Variants in GHR observed in about 807,000 individuals in gnomAD.
GHR encodes growth hormone receptor, also known as GH receptor.
A neutral mutation model predicts 67.1 loss-of-function variants in GHR; 35 were observed. The ratio of observed to expected loss-of-function variants is 0.52; its 90% CI spans 0.40 to 0.69. GHR has a LOEUF of 0.69. Ranked by LOEUF, GHR falls within the 30% of genes least tolerant of loss-of-function variation. The pLI is 0.00. For synonymous variants in GHR, 272 were observed against 269.1 expected, an observed-to-expected ratio of 1.01 and a Z score of -0.10; for missense variants, 792 against 764.6, an observed-to-expected ratio of 1.04 and a Z score of -0.42.
At chr5:42,557,360 GCCTAGATGT>G (rs1279335285) in intron 1 of GHR, among the ~76,000 whole-genome samples, 1 of 152,036 alleles carries the variant, frequency 6.6e-6, no homozygotes, top group African/African-American at 2.4e-5. Context: ...TCTACCACAT[GCCTAGATGT>G]CCTCTTCATG....
chr5:42,598,523 C>G (rs1752201491), intron 2 of GHR, among the ~76,000 whole-genome samples: 1 of 152,148 alleles, frequency 6.6e-6, no homozygotes, highest in Non-Finnish European at 1.5e-5. Context: ...TCAACATGTT[C>G]TTAAAAGGAA....
rs1744089932 is a variant in GHR, at chr5:42,452,461, AG to A, written c.-12+28507del. Reference sequence around the variant, plus strand: ...TCTAGGTCTCCAGCAAGGCCAGGGAAGTTTTCCTTAATTATTCCCTTAAATA... The same window carrying A: ...TCTAGGTCTCCAGCAAGGCCAGGGAATTTTCCTTAATTATTCCCTTAAATA... On this transcript the variant is annotated intron_variant, in intron 1 of 9. Coordinates refer to ENST00000230882, the MANE Select transcript of GHR (RefSeq NM_000163.5). 1.3e-5 allele frequency among the ~76,000 whole-genome samples: 2 copies of A among 152,284 alleles called. 1 individual carries two copies. Among genetic ancestry groups the A allele is most frequent in the African/African-American group, 4.8e-5 (2 of 41,568 alleles).
At chr5:42,693,675 T>A (rs1757534170) in intron 4 of GHR, among the ~76,000 whole-genome samples, 1 of 152,136 alleles carries the variant, frequency 6.6e-6, no homozygotes, top group Non-Finnish European at 1.5e-5. Context: ...AGGCCCTGCC[T>A]TCCCTACAAC....
At chr5:42,453,797 G>A (rs1187621627) in intron 1 of GHR, among the ~76,000 whole-genome samples, 1 of 152,112 alleles carries the variant, frequency 6.6e-6, no homozygotes. Flanking sequence ...GTCTGCAGTG[G>A]AGTGCCAGGG....
chr5:42,622,299 A>G lies in GHR; in HGVS notation c.71-6739A>G, dbSNP rs368651968. ...GTGACATTGAGATCAATCAATCAGC[A>G]TGTACTTTATCAAGTGCCTCCTCAT... is the stretch of plus-strand genomic sequence containing the variant. On this transcript the variant is annotated intron_variant, in intron 2 of 9. Coordinates refer to ENST00000230882, the MANE Select transcript of GHR (RefSeq NM_000163.5). 4.6e-5 allele frequency among the ~76,000 whole-genome samples: 7 copies of G among 152,222 alleles called. No individual in the cohort carries two copies. In the East Asian group the frequency reaches 1.2e-3, roughly 25 times the overall value.
intron 2 of GHR, among the ~76,000 whole-genome samples, chr5:42,574,435 TC>T (rs1750527568): frequency 6.6e-6 from 1 of 152,276 alleles, no homozygotes. Context: ...TGACTAGCTT[TC>T]TTTTCCTCTG....
At chr5:42,684,893 T>C (rs1385718423) in intron 3 of GHR, among the ~76,000 whole-genome samples, 5 of 152,174 alleles carry the variant, frequency 3.3e-5, no homozygotes, top group Non-Finnish European at 7.3e-5. Flanking sequence ...CAACAGTTGT[T>C]CTCAAACAAG....
At chr5:42,643,787 T>C (rs1240690195) in intron 3 of GHR, among the ~76,000 whole-genome samples, 2 of 152,106 alleles carry the variant, frequency 1.3e-5, no homozygotes, top group African/African-American at 2.4e-5. Flanking sequence ...TCATTTCTAT[T>C]CCCACAATTC....
intron 1 of GHR, among the ~76,000 whole-genome samples, chr5:42,559,457 G>A (rs1749483449): frequency 6.6e-6 from 1 of 152,158 alleles, no homozygotes; most frequent in Admixed American, 6.5e-5. Flanking sequence ...GACGAAGGAG[G>A]ATCCCTTGAG....
chr5:42,623,416 T>C (rs1018953630), intron 2 of GHR, among the ~76,000 whole-genome samples: 2 of 152,196 alleles, frequency 1.3e-5, no homozygotes. Flanking sequence ...TTCTCCCTGA[T>C]GTGCCCCTGC....
At chr5:42,693,919 A>G (rs1757546283) in intron 4 of GHR, among the ~76,000 whole-genome samples, 3 of 152,220 alleles carry the variant, frequency 2.0e-5, no homozygotes, top group African/African-American at 7.2e-5. Flanking sequence ...TCACCCAAGT[A>G]GCAATTCTAA....
intron 3 of GHR, among the ~76,000 whole-genome samples, chr5:42,653,521 A>T (rs1053430298): frequency 3.9e-5 from 6 of 152,172 alleles, no homozygotes; most frequent in African/African-American, 1.4e-4. Flanking sequence ...TATTATGGGC[A>T]TGGTAACAAA....
intron 2 of GHR, among the ~76,000 whole-genome samples, chr5:42,570,378 A>AT (rs35811142): frequency 6.6e-6 from 1 of 152,190 alleles, no homozygotes; most frequent in Non-Finnish European, 1.5e-5. Context: ...TGCAGAATTT[A>AT]TTTGATGTTG....
intron 1 of GHR, among the ~76,000 whole-genome samples, chr5:42,557,676 A>G (rs1749384107): frequency 6.6e-6 from 1 of 152,146 alleles, no homozygotes; most frequent in South Asian, 2.1e-4. Context: ...CTTAACCCCA[A>G]GCCCACCCTC....
chr5:42,639,937 C>A (rs1421742643), intron 3 of GHR, among the ~76,000 whole-genome samples: 4 of 152,018 alleles, frequency 2.6e-5, no homozygotes, highest in Non-Finnish European at 5.9e-5. Flanking sequence ...TACCTGAGAG[C>A]AATTGAAGAA....
At chr5:42,463,879 G>A (rs1744598211) in intron 1 of GHR, among the ~76,000 whole-genome samples, 1 of 147,752 alleles carries the variant, frequency 6.8e-6, no homozygotes, top group Admixed American at 6.7e-5. Flanking sequence ...TGTAGTCCCA[G>A]CTACTTGGGA....
intron 1 of GHR, among the ~76,000 whole-genome samples, chr5:42,479,293 TTTA>T (rs1745495266): frequency 2.0e-5 from 3 of 152,210 alleles, no homozygotes; most frequent in Admixed American, 2.0e-4. Flanking sequence ...TTGCCAGTAT[TTTA>T]TTGAGAATTT....
intron 1 of GHR, among the ~76,000 whole-genome samples, chr5:42,455,956 A>C (rs1744241509): frequency 6.6e-6 from 1 of 152,198 alleles, no homozygotes; most frequent in South Asian, 2.1e-4. Context: ...AATAGGTTAG[A>C]CCAGATTAGT....
At chr5:42,578,641 A>G (rs1391327735) in intron 2 of GHR, among the ~76,000 whole-genome samples, 1 of 152,226 alleles carries the variant, frequency 6.6e-6, no homozygotes, top group Admixed American at 6.5e-5. Context: ...GGAATTACCA[A>G]TTAACTAATT....
Sources: allele counts gnomAD v4.1 joint callset (sites outside exome capture counted in the v4.1 genomes callset), GRCh38; gene constraint gnomAD v4.1.1; transcripts MANE v1.5; gene names NCBI Gene and HGNC (gene_info 2026-07-23, HGNC 2026-07-21).